Variants in ABCG1 observed in about 807,000 individuals in gnomAD.
The protein encoded by ABCG1 is ATP-binding cassette sub-family G member 1.
Under a neutral mutation model 69.2 loss-of-function variants are expected in ABCG1, and 29 were observed. That is an observed-to-expected ratio of 0.42 (90% CI 0.31 to 0.57). The LOEUF is 0.57. Among genes scored for constraint, ABCG1 ranks in the 20% least tolerant of loss-of-function variants. The pLI is 0.15. For synonymous variants in ABCG1, 370 were observed against 374.8 expected, an observed-to-expected ratio of 0.99 and a Z score of 0.15; for missense variants, 718 against 898.1, an observed-to-expected ratio of 0.80 and a Z score of 2.56.
intron 5 of ABCG1, among the ~76,000 whole-genome samples, chr21:42,281,744 A>T (rs1233712657): frequency 6.6e-6 from 1 of 152,058 alleles, no homozygotes; most frequent in Non-Finnish European, 1.5e-5. Context: ...CAGCGATGAC[A>T]AGAGTGCTGG....
At position 42,293,421 on chromosome 21, in the gene ABCG1, CCACACTACACACTA is replaced by C. The variant is rs1236875379; in HGVS notation, c.1654-1115_1654-1102del. Among the ~76,000 whole-genome samples, 75 of 137,574 alleles carry C rather than the reference CCACACTACACACTA, an allele frequency of 5.5e-4. 2 individuals are homozygous for C. The East Asian group carries it at 0.014, about 26-fold the overall frequency. The allele number at this position is 137,574 out of a possible 152,430, so 90.3% of individuals were successfully genotyped here. A position where few individuals can be genotyped will look rare whatever the true frequency, so the allele number is the denominator to read the frequency against. ...CTACACACCACGCACTACACACATA[CCACACTACACACTA>C]CACACCACACACTACACACACACCA... On this transcript the variant is annotated intron_variant, in intron 13 of 14. Transcript: ENST00000398449.
chr21:42,284,285 A>ACC lies in ABCG1; in HGVS notation c.735-267_735-266dup, dbSNP rs371145763. Among the ~76,000 whole-genome samples, 437 of 139,502 alleles carry ACC rather than the reference A, an allele frequency of 3.1e-3. 14 individuals are homozygous for ACC. The highest frequency in any genetic ancestry group is 8.5e-3 in the African/African-American group (304 of 35,918). 91.5% of individuals were successfully genotyped at this position (139,502 alleles called of 152,430 possible). On this transcript the variant is annotated intron_variant, in intron 6 of 14. Transcript: ENST00000398449. ...TCCCTCCCTGCCCAGATGAGTGGGG[A>ACC]CCCCCCCCCAGTCCTGGACTCTGGC...
At chr21:42,267,288 C>G (rs572626372) in intron 2 of ABCG1, among the ~76,000 whole-genome samples, 33 of 152,330 alleles carry the variant, frequency 2.2e-4, no homozygotes, top group African/African-American at 7.9e-4. Flanking sequence ...TGGGTTCTGT[C>G]TGGGTTCTGT....
intron 5 of ABCG1, among the ~76,000 whole-genome samples, chr21:42,280,181 C>G (rs1432975444): frequency 6.6e-6 from 1 of 152,238 alleles, no homozygotes; most frequent in Non-Finnish European, 1.5e-5. Context: ...GCCATCGGGC[C>G]CACCATCAGG....
At chr21:42,292,375 C>T (rs139546087) in intron 13 of ABCG1, among the ~76,000 whole-genome samples, 57 of 152,174 alleles carry the variant, frequency 3.7e-4, no homozygotes, top group African/African-American at 1.1e-3. Flanking sequence ...CACAAGGCTG[C>T]CATGGGACCA....
chr21:42,241,032 G>T (rs1053800017), intron 2 of ABCG1, among the ~76,000 whole-genome samples: 1 of 152,254 alleles, frequency 6.6e-6, no homozygotes, highest in African/African-American at 2.4e-5. Flanking sequence ...AGGAGGCTTG[G>T]GATCTGGAAT....
intron 2 of ABCG1, among the ~76,000 whole-genome samples, chr21:42,205,164 T>G (rs1117640): frequency 0.15 from 22,146 of 152,180 alleles, 1,783 homozygotes; most frequent in East Asian, 0.24. Flanking sequence ...AATGCATGAT[T>G]GCAGAGTTGT....
Position 42,204,324 on chromosome 21 carries a change from T to C in ABCG1, c.48+2601T>C, listed in dbSNP as rs1043895370. On this transcript the variant is annotated intron_variant, in intron 2 of 15. Coordinates refer to the ABCG1 transcript ENST00000398457. The stretch of plus-strand genomic sequence containing the variant: ...AAAGCAAACATCCTTGCATTATTTT[T>C]GATATTAAGGAGGAAGCATTGAGTT... 1.1e-4 allele frequency among the ~76,000 whole-genome samples: 16 copies of C among 152,240 alleles called. 1 individual carries two copies. The highest frequency in any genetic ancestry group is 3.9e-4 in the African/African-American group (16 of 41,466).
intron 2 of ABCG1, among the ~76,000 whole-genome samples, chr21:42,242,883 C>G (rs1198424579): frequency 2.6e-5 from 4 of 152,096 alleles, no homozygotes; most frequent in African/African-American, 9.7e-5. Flanking sequence ...GCTGCACCCC[C>G]GGGGGTCTGA....
At chr21:42,269,028 A>T (rs2068568360) in intron 2 of ABCG1, among the ~76,000 whole-genome samples, 1 of 152,130 alleles carries the variant, frequency 6.6e-6, no homozygotes, top group Non-Finnish European at 1.5e-5. Context: ...GGAGGGAGAG[A>T]GGCTTCTCAG....
chr21:42,270,750 A>T (rs981169992), intron 2 of ABCG1, among the ~76,000 whole-genome samples: 1 of 152,196 alleles, frequency 6.6e-6, no homozygotes, highest in Non-Finnish European at 1.5e-5. Flanking sequence ...GGCCCACCGG[A>T]CATCGCTTCC....
chr21:42,286,003 A>G lies in ABCG1; in HGVS notation c.973+9A>G. ...CAACCCAGCAGATTTTGGTAAGCGG[A>G]GTCCTGAGCAGCTCGGGGGACAGAA... is the stretch of plus-strand genomic sequence containing the variant. On this transcript the variant is annotated intron_variant, in intron 8 of 14. Transcript: ENST00000398449. The G allele has an allele frequency of 6.3e-7, 1 of 1,576,822 alleles. No homozygotes were observed. Among genetic ancestry groups the G allele is most frequent in the Non-Finnish European group, 8.7e-7 (1 of 1,146,074 alleles).
chr21:42,262,202 T>A (rs1042049855), intron 2 of ABCG1, among the ~76,000 whole-genome samples: 1 of 152,124 alleles, frequency 6.6e-6, no homozygotes, highest in Non-Finnish European at 1.5e-5. Flanking sequence ...GGAAGCATAC[T>A]TCCTAGCAGA....
At chr21:42,282,841 C>T (rs1335892025) in intron 6 of ABCG1, among the ~76,000 whole-genome samples, 4 of 152,084 alleles carry the variant, frequency 2.6e-5, no homozygotes, top group East Asian at 1.9e-4. Context: ...GATCCTGCCT[C>T]GGTTGCTCAC....
chr21:42,291,669 G>C lies in ABCG1; in HGVS notation c.1653+13G>C, dbSNP rs745350412. 1 of 1,591,790 alleles carries C rather than the reference G, an allele frequency of 6.3e-7. No homozygotes were observed. The highest frequency in any genetic ancestry group is 1.7e-5 in the Admixed American group (1 of 58,558). ...CACGTCCCTGCAGGTGCCAGCCCAG[G>C]AGGCGCTAAGTGAGGGCATGACGGC... is the stretch of plus-strand genomic sequence containing the variant. On this transcript the variant is annotated intron_variant, in intron 13 of 14. Coordinates refer to ENST00000398449, the MANE Select transcript of ABCG1 (RefSeq NM_016818.3). This position sits in a 1 kb window ranked among gnomAD's most constrained non-coding sequence, Gnocchi z 6.4.
At chr21:42,201,448 C>A in intron 1 of ABCG1, 1 of 538,888 alleles carries the variant, frequency 1.9e-6, no homozygotes, top group Non-Finnish European at 3.2e-6. Context: ...CTGTGTGGCC[C>A]CATTCCTAAC....
intron 2 of ABCG1, among the ~76,000 whole-genome samples, chr21:42,234,743 G>C (rs1469555263): frequency 6.6e-6 from 1 of 152,204 alleles, no homozygotes; most frequent in East Asian, 1.9e-4. Flanking sequence ...TGGACGCAGG[G>C]TGACGTTCGC....
upstream of ABCG1, among the ~76,000 whole-genome samples, chr21:42,213,860 C>G (rs892876167): frequency 1.3e-5 from 2 of 152,232 alleles, no homozygotes; most frequent in African/African-American, 4.8e-5. Flanking sequence ...TTTGGAAGCA[C>G]ATAACTTGTG....
intron 1 of ABCG1, chr21:42,199,933 A>T (rs1469033086): frequency 6.6e-6 from 1 of 152,252 alleles, no homozygotes; most frequent in Non-Finnish European, 1.5e-5. Context: ...CTAGATGTAG[A>T]TTAAGAAAAA....
Sources: gnomAD v4.1 joint callset for allele counts (sites outside exome capture counted in the v4.1 genomes callset) on GRCh38, gnomAD v4.1.1 for gene constraint, Gnocchi (gnomAD v3.1) non-coding constraint, MANE v1.5 for transcripts, NCBI Gene and HGNC (gene_info 2026-07-23, HGNC 2026-07-21) for gene names.